TNRC6B: variants seen among roughly 807,000 people sequenced by gnomAD.
TNRC6B encodes the protein trinucleotide repeat containing adaptor 6B, also known as trinucleotide repeat-containing gene 6B protein.
In TNRC6B, 52 loss-of-function variants were observed where a neutral mutation model predicts 203.6. That is an observed-to-expected ratio of 0.26 (90% confidence interval 0.20 to 0.32). The LOEUF (loss-of-function observed/expected upper bound fraction) is 0.32. Ranked by LOEUF, TNRC6B falls within the 10% of genes least tolerant of loss-of-function variation. TNRC6B has a pLI of 1.00. For missense variants in TNRC6B, 1,923 were observed against 2,286.2 expected (o/e 0.84, Z 3.24); for synonymous variants, 838 against 845.7 (o/e 0.99, Z 0.16).
At chr22:40,191,487 A>T (rs562787038) in intron 1 of TNRC6B, among the ~76,000 whole-genome samples, 1 of 152,340 alleles carries the variant, frequency 6.6e-6, no homozygotes, top group East Asian at 1.9e-4. Context: ...ATGGTGAGAT[A>T]TTAGTGGAGC....
At chr22:40,181,948 G>GGA (rs527438278) in intron 1 of TNRC6B, among the ~76,000 whole-genome samples, 1 of 141,998 alleles carries the variant, frequency 7.0e-6, no homozygotes, top group Non-Finnish European at 1.5e-5. Flanking sequence ...TGTCTCGAGA[G>GGA]AAAAAAAAAA....
intron 1 of TNRC6B, among the ~76,000 whole-genome samples, chr22:40,109,626 TAATTAA>T (rs1325725494): frequency 6.6e-6 from 1 of 152,204 alleles, no homozygotes; most frequent in East Asian, 1.9e-4. Flanking sequence ...CAAATATTGA[TAATTAA>T]AATTAAGATA....
intron 1 of TNRC6B, among the ~76,000 whole-genome samples, chr22:40,061,196 G>T (rs974573234): frequency 6.6e-6 from 1 of 152,064 alleles, no homozygotes; most frequent in African/African-American, 2.4e-5. Flanking sequence ...TGAAAGGAAC[G>T]TATGTCCGCT....
intron 1 of TNRC6B, among the ~76,000 whole-genome samples, chr22:40,222,677 T>C (rs541976718): frequency 1.7e-4 from 26 of 151,472 alleles, no homozygotes; most frequent in African/African-American, 5.3e-4. Context: ...CTTTTATCCT[T>C]TTATGCAGTT....
At chr22:40,322,713 T>A in intron 22 of TNRC6B, 141 bp from the exon 23 acceptor site, 1 of 974,908 alleles carries the variant, frequency 1.0e-6, no homozygotes, top group Non-Finnish European at 1.5e-6. Flanking sequence ...AGCTTGGACT[T>A]TGCATTCTAA....
At chr22:40,066,745 T>C (rs777576503) in intron 1 of TNRC6B, among the ~76,000 whole-genome samples, 10 of 152,120 alleles carry the variant, frequency 6.6e-5, no homozygotes, top group Non-Finnish European at 1.2e-4. Context: ...TTATTGTTTA[T>C]ATTTAAAATT....
rs1414013522 is a variant in TNRC6B, at chr22:40,331,292, GAA to G, written c.*8054_*8055del. Reference sequence around the variant, plus strand: ...AGTTAAGATTGAAGTGTTTGAGAAAGAAAAGAGAAAAATCTGAAATCATATTT... The same window carrying G: ...AGTTAAGATTGAAGTGTTTGAGAAAGAAGAGAAAAATCTGAAATCATATTT... On this transcript the variant is annotated 3_prime_UTR_variant, in exon 23 of 23. Coordinates refer to ENST00000454349, the MANE Select transcript of TNRC6B (RefSeq NM_001162501.2). 1 of 160,706 alleles carries G rather than the reference GAA, an allele frequency of 6.2e-6. No individual in the cohort carries two copies. The highest frequency in any genetic ancestry group is 1.7e-4 in the East Asian group (1 of 5,760). The allele number at this position is 160,706 out of a possible 1,614,324, so 10.0% of individuals were successfully genotyped here. A position where few individuals can be genotyped will look rare whatever the true frequency, so the allele number is the denominator to read the frequency against.
At chr22:40,063,752 G>C (rs1405312551) in intron 1 of TNRC6B, among the ~76,000 whole-genome samples, 1 of 151,306 alleles carries the variant, frequency 6.6e-6, no homozygotes, top group Non-Finnish European at 1.5e-5. Flanking sequence ...ACCCAGGCTG[G>C]AGTGCAGTGG....
chr22:40,264,188 T>C (rs1283997622), intron 4 of TNRC6B, among the ~76,000 whole-genome samples: 2 of 152,040 alleles, frequency 1.3e-5, no homozygotes, highest in African/African-American at 4.8e-5. Context: ...ACATAGGAGG[T>C]AGTAGAAGAT....
intron 22 of TNRC6B, 135 bp downstream of exon 22, chr22:40,321,364 C>A: frequency 9.1e-7 from 1 of 1,101,952 alleles, no homozygotes; most frequent in Non-Finnish European, 1.3e-6. Flanking sequence ...ATCTGCAAGT[C>A]TCGAGTGTGG....
At chr22:40,299,168 A>G (rs6001870) in intron 12 of TNRC6B, among the ~76,000 whole-genome samples, 2 of 149,340 alleles carry the variant, frequency 1.3e-5, no homozygotes, top group African/African-American at 4.9e-5. Context: ...CAAAAAAAAA[A>G]AAAAAACAAA....
At chr22:40,091,412 T>C (rs767126345) in intron 1 of TNRC6B, among the ~76,000 whole-genome samples, 2 of 152,194 alleles carry the variant, frequency 1.3e-5, no homozygotes, top group Non-Finnish European at 2.9e-5. Flanking sequence ...TCGGGTACAG[T>C]TGGAAAAATC....
chr22:40,246,270 A>G (rs1461119959), intron 2 of TNRC6B, 168 bp downstream of exon 2: 7 of 425,036 alleles, frequency 1.6e-5, no homozygotes, highest in African/African-American at 1.4e-4. Flanking sequence ...GCTCACTACA[A>G]CCTCCGCTTC....
At position 40,150,876 on chromosome 22, in the gene TNRC6B, C is replaced by T. The variant is rs146776346; in HGVS notation, c.46-5239C>T. Among the ~76,000 whole-genome samples, 12 of 152,218 alleles carry T rather than the reference C, an allele frequency of 7.9e-5. No individual in the cohort carries two copies. The East Asian group carries it at 1.9e-3, about 24-fold the overall frequency. On this transcript the variant is annotated intron_variant, in intron 3 of 23. Coordinates refer to the TNRC6B transcript ENST00000301923. ...CATCTGAAGGTCCTAATTAAATGGG[C>T]AGGTCCCTTCCTGATCACCCTCCAG...
At chr22:40,075,184 C>T (rs58133635) in intron 1 of TNRC6B, among the ~76,000 whole-genome samples, 17,228 of 51,052 alleles carry the variant, frequency 0.34, 1,172 homozygotes, top group South Asian at 0.39. Context: ...TTTTTTCTTA[C>T]TGATTTTCTT....
At chr22:40,252,265 T>C (rs1179353508) in intron 3 of TNRC6B, among the ~76,000 whole-genome samples, 1 of 152,204 alleles carries the variant, frequency 6.6e-6, no homozygotes, top group African/African-American at 2.4e-5. Context: ...CCCTAGCAGA[T>C]GTATTTTGAA....
chr22:40,157,000 C>G (rs1417696745), intron 4 of TNRC6B, among the ~76,000 whole-genome samples: 4 of 151,946 alleles, frequency 2.6e-5, no homozygotes, highest in Non-Finnish European at 5.9e-5. Flanking sequence ...CTCTTGAACT[C>G]CTGACCTCAG....
At chr22:40,304,246 A>G (rs2071062372) in intron 15 of TNRC6B, among the ~76,000 whole-genome samples, 1 of 152,232 alleles carries the variant, frequency 6.6e-6, no homozygotes, top group Non-Finnish European at 1.5e-5. Context: ...TTGAATGACT[A>G]ATGACTGCTT....
intron 15 of TNRC6B, among the ~76,000 whole-genome samples, chr22:40,305,426 T>C (rs962587497): frequency 2.6e-5 from 4 of 152,198 alleles, no homozygotes; most frequent in Non-Finnish European, 1.5e-5. Context: ...AGTCAGTATT[T>C]TCTTGGGTTT....
Sources: gnomAD v4.1 joint callset for allele counts (sites outside exome capture counted in the v4.1 genomes callset) on GRCh38, gnomAD v4.1.1 for gene constraint, MANE v1.5 for transcripts, NCBI Gene and HGNC (gene_info 2026-07-23, HGNC 2026-07-21) for gene names.